Variants in RUNX2 observed in about 807,000 individuals in gnomAD.
The protein encoded by RUNX2 is RUNX family transcription factor 2.
RUNX2 carries 10 observed loss-of-function variants against 51.7 expected under a neutral mutation model. The ratio of observed to expected loss-of-function variants is 0.19; its 90% CI spans 0.12 to 0.33. The LOEUF (loss-of-function observed/expected upper bound fraction) is 0.33, where lower values mean the gene tolerates loss of function less well. Among genes scored for constraint, RUNX2 ranks in the 10% least tolerant of loss-of-function variants. The pLI is 1.00. For missense variants in RUNX2, 562 were observed against 691.3 expected, an observed-to-expected ratio of 0.81 and a Z score of 2.10; for synonymous variants, 276 against 273.6, an observed-to-expected ratio of 1.01 and a Z score of -0.09.
At chr6:45,459,750 A>T (rs1180477177) in intron 5 of RUNX2, among the ~76,000 whole-genome samples, 1 of 152,254 alleles carries the variant, frequency 6.6e-6, no homozygotes, top group Non-Finnish European at 1.5e-5. Context: ...GCAGATAGTG[A>T]TAAGTACTTT....
rs781125801 is a variant in RUNX2, at chr6:45,484,676, C to T, written c.686-7265C>T. Reference sequence around the variant, plus strand: ...TGCTATTGCTTTTGCTGGAAACCATCGACTGAACTCCCTAAGATACAGTAA... The same window carrying T: ...TGCTATTGCTTTTGCTGGAAACCATTGACTGAACTCCCTAAGATACAGTAA... On this transcript the variant is annotated intron_variant, in intron 5 of 8. Transcript: ENST00000647337. 8.8e-4 allele frequency among the ~76,000 whole-genome samples: 134 copies of T among 152,240 alleles called. 1 individual carries two copies. Among genetic ancestry groups the T allele is most frequent in the Non-Finnish European group, 1.7e-3 (117 of 68,024 alleles).
chr6:45,367,561 G>A (rs1046783600), intron 2 of RUNX2, among the ~76,000 whole-genome samples: 4 of 152,104 alleles, frequency 2.6e-5, no homozygotes, highest in Non-Finnish European at 5.9e-5. Context: ...AAAGGAGCCT[G>A]GATTTCTCAA....
intron 2 of RUNX2, among the ~76,000 whole-genome samples, chr6:45,409,711 T>C (rs957049514): frequency 2.6e-5 from 4 of 152,206 alleles, no homozygotes; most frequent in Admixed American, 6.5e-5. Flanking sequence ...ATTTCCTATT[T>C]TAAAAGGATA....
chr6:45,472,400 C>G (rs1022393210), intron 5 of RUNX2, among the ~76,000 whole-genome samples: 1 of 152,178 alleles, frequency 6.6e-6, no homozygotes. Context: ...CCCTCTCCCC[C>G]AGAAAGAACA....
chr6:45,537,388 C>T (rs959626491), intron 7 of RUNX2, among the ~76,000 whole-genome samples: 2 of 152,174 alleles, frequency 1.3e-5, no homozygotes, highest in Admixed American at 1.3e-4. Context: ...AGCAAAGCCC[C>T]CACAAGTCTG....
intron 2 of RUNX2, among the ~76,000 whole-genome samples, chr6:45,391,903 AT>A (rs1433681227): frequency 6.6e-6 from 1 of 152,218 alleles, no homozygotes; most frequent in Non-Finnish European, 1.5e-5. Flanking sequence ...CTATGGAAGC[AT>A]AGAGGAGATT....
rs1285928258 is a variant in RUNX2, at chr6:45,546,885, C to T, written c.1146C>T (p.Leu382=). Reference sequence around the variant, plus strand: ...GGCAGTTCCCAAGCATTTCATCCCTCACTGAGAGCCGCTTCTCCAACCCAC... The same window carrying T: ...GGCAGTTCCCAAGCATTTCATCCCTTACTGAGAGCCGCTTCTCCAACCCAC... ...DPRQFPSISS[L]TESRFSNPRM... Residue 382 remains leucine, a synonymous_variant, in exon 9 of 9, where the codon CTC becomes CTT. Transcript: ENST00000647337. 7 of 1,613,942 alleles carry T rather than the reference C, an allele frequency of 4.3e-6. No individual in the cohort carries two copies. Among genetic ancestry groups the T allele is most frequent in the African/African-American group, 1.3e-5 (1 of 74,872 alleles).
At chr6:45,402,500 G>A (rs1443294248) in intron 2 of RUNX2, among the ~76,000 whole-genome samples, 1 of 152,092 alleles carries the variant, frequency 6.6e-6, no homozygotes, top group Non-Finnish European at 1.5e-5. Context: ...TTTTTATAGA[G>A]CTTCCTATAA....
chr6:45,441,853 C>A (rs1036043960), intron 5 of RUNX2, among the ~76,000 whole-genome samples: 2 of 152,218 alleles, frequency 1.3e-5, no homozygotes, highest in African/African-American at 4.8e-5. Context: ...CACTGTGAGG[C>A]CTTGCCTATC....
At chr6:45,509,322 A>G (rs548279369) in intron 6 of RUNX2, among the ~76,000 whole-genome samples, 3 of 152,342 alleles carry the variant, frequency 2.0e-5, no homozygotes, top group African/African-American at 7.2e-5. Flanking sequence ...TGTATTCATT[A>G]TATAGATAGC....
At position 45,328,344 on chromosome 6, in the gene RUNX2, C is replaced by T. The variant is rs745978591; in HGVS notation, c.-183C>T. 7.3e-6 allele frequency: 10 copies of T among 1,377,434 alleles called. No homozygotes were observed. The highest frequency in any genetic ancestry group is 8.7e-6 in the Non-Finnish European group (9 of 1,029,018). 85.3% of individuals were successfully genotyped at this position (1,377,434 alleles called of 1,614,324 possible). Reference sequence around the variant, plus strand: ...GTGAATGCTTCATTCGCCTCACAAACAACCACAGAACCACAAGTGCGGTGC... The same window carrying T: ...GTGAATGCTTCATTCGCCTCACAAATAACCACAGAACCACAAGTGCGGTGC... On this transcript the variant is annotated 5_prime_UTR_variant, in exon 1 of 9. Transcript: ENST00000647337.
intron 2 of RUNX2, among the ~76,000 whole-genome samples, chr6:45,356,405 TTTC>T (rs1325219021): frequency 3.3e-5 from 5 of 152,086 alleles, no homozygotes; most frequent in Non-Finnish European, 7.4e-5. Context: ...TTTCTTTTTT[TTTC>T]TTTTTTTGAG....
chr6:45,458,730 A>G (rs974384956), intron 5 of RUNX2, among the ~76,000 whole-genome samples: 1 of 152,232 alleles, frequency 6.6e-6, no homozygotes, highest in Non-Finnish European at 1.5e-5. Flanking sequence ...TTCATTCTAC[A>G]TAAAACTCAT....
chr6:45,526,229 C>A (rs531954147), intron 7 of RUNX2, among the ~76,000 whole-genome samples: 1 of 152,186 alleles, frequency 6.6e-6, no homozygotes, highest in East Asian at 1.9e-4. Flanking sequence ...TAAGGTGAAG[C>A]CTTATATATG....
At chr6:45,508,511 A>T (rs1801048999) in intron 6 of RUNX2, among the ~76,000 whole-genome samples, 1 of 152,084 alleles carries the variant, frequency 6.6e-6, no homozygotes, top group Non-Finnish European at 1.5e-5. Flanking sequence ...TACAGGTGTG[A>T]GCCACTGCTC....
intron 7 of RUNX2, among the ~76,000 whole-genome samples, chr6:45,514,491 C>T (rs1801259423): frequency 6.6e-6 from 1 of 152,126 alleles, no homozygotes; most frequent in South Asian, 2.1e-4. Context: ...GTTTTTTCCT[C>T]CAACCCTTAA....
At chr6:45,422,287 G>C in intron 2 of RUNX2, 14 of 298,490 alleles carry the variant, frequency 4.7e-5, no homozygotes, top group South Asian at 1.4e-4. Context: ...ACACACCCCC[G>C]CGCCCGTTCG....
chr6:45,520,716 G>A (rs1383518803), intron 7 of RUNX2, among the ~76,000 whole-genome samples: 1 of 152,052 alleles, frequency 6.6e-6, no homozygotes, highest in Non-Finnish European at 1.5e-5. Flanking sequence ...CCTCTAATGT[G>A]TACATATCTT....
intron 2 of RUNX2, among the ~76,000 whole-genome samples, chr6:45,351,868 T>TA (rs1322012217): frequency 6.6e-6 from 1 of 152,116 alleles, no homozygotes; most frequent in Non-Finnish European, 1.5e-5. Flanking sequence ...AAAAGAGTAA[T>TA]ACAGCCTGTT....
Sources: gnomAD v4.1 joint callset for allele counts (sites outside exome capture counted in the v4.1 genomes callset) on GRCh38, gnomAD v4.1.1 for gene constraint, MANE v1.5 for transcripts, NCBI Gene and HGNC (gene_info 2026-07-23, HGNC 2026-07-21) for gene names.